Variants in DSCAML1 observed in about 807,000 individuals in gnomAD.
DSCAML1 encodes the protein cell adhesion molecule DSCAML1.
In DSCAML1, 38 loss-of-function variants were observed where a neutral mutation model predicts 200.5. The observed-to-expected ratio is 0.19, with a 90% CI of 0.15 to 0.25. DSCAML1 has a LOEUF of 0.25. Ranked by LOEUF, DSCAML1 falls within the 10% of genes least tolerant of loss-of-function variation. The pLI, the probability that DSCAML1 is intolerant of heterozygous loss-of-function variation, is 1.00. For missense variants in DSCAML1, 2,223 were observed against 2,858.8 expected (o/e 0.78, Z 5.07); for synonymous variants, 1,215 against 1,165.0 (o/e 1.04, Z -0.87).
rs372336434 is a variant in DSCAML1 at position 117,777,808 on chromosome 11, A to G, written c.365-871T>C. Among the ~76,000 whole-genome samples the G allele has an allele frequency of 3.6e-3, 554 of 152,224 alleles. 2 individuals carry two copies. Among genetic ancestry groups the G allele is most frequent in the South Asian group, 0.015 (72 of 4,812 alleles). On this transcript the variant is annotated intron_variant, in intron 2 of 32. Coordinates refer to ENST00000651296, the MANE Select transcript of DSCAML1 (RefSeq NM_020693.4). ...TATGTGTCTGGCCCTACAGGCAGGC[A>G]GACCCAGCCCTAGGAATGGGACCAA...
chr11:117,571,764 G>A (rs780171690), intron 3 of DSCAML1, among the ~76,000 whole-genome samples: 1 of 152,196 alleles, frequency 6.6e-6, no homozygotes, highest in Non-Finnish European at 1.5e-5. Flanking sequence ...TACCTACTGG[G>A]CTGCATTCCC....
intron 11 of DSCAML1, among the ~76,000 whole-genome samples, chr11:117,484,653 A>G (rs2049000593): frequency 6.6e-6 from 1 of 152,250 alleles, no homozygotes; most frequent in Non-Finnish European, 1.5e-5. Context: ...AGATTTGCAT[A>G]ATTCACTCGT....
chr11:117,796,515 G>C (rs371634182), intron 1 of DSCAML1, among the ~76,000 whole-genome samples: 3 of 152,246 alleles, frequency 2.0e-5, no homozygotes, highest in African/African-American at 7.2e-5. Flanking sequence ...GCCAATGCGC[G>C]GATAAGCGCC....
At chr11:117,694,983 A>ACCC in intron 3 of DSCAML1, among the ~76,000 whole-genome samples, 1 of 152,316 alleles carries the variant, frequency 6.6e-6, no homozygotes, top group South Asian at 2.1e-4. Flanking sequence ...CCTTTAGGTG[A>ACCC]CTGGAAGACA....
rs2047930768 is a variant in DSCAML1 at position 117,436,995 on chromosome 11, T to C, written c.4720+127A>G. ...AGCCCCTTCACCTGCAGGCCAGCATTTCCCCCACCTGCATTCCTGCCTGTT... is the reference window on the plus strand; with the variant it reads ...AGCCCCTTCACCTGCAGGCCAGCATCTCCCCCACCTGCATTCCTGCCTGTT... On this transcript the variant is annotated intron_variant, in intron 26 of 32. Transcript: ENST00000651296. 9.8e-6 allele frequency: 13 copies of C among 1,321,250 alleles called. 1 individual carries two copies. The South Asian group carries it at 1.6e-4, about 17-fold the overall frequency. 81.8% of individuals were successfully genotyped at this position (1,321,250 alleles called of 1,614,324 possible). A position where few individuals can be genotyped will look rare whatever the true frequency, so the allele number is the denominator to read the frequency against.
chr11:117,599,704 AG>A (rs1483311081), intron 3 of DSCAML1, among the ~76,000 whole-genome samples: 1 of 152,238 alleles, frequency 6.6e-6, no homozygotes, highest in Non-Finnish European at 1.5e-5. Flanking sequence ...CAACTCAGTA[AG>A]GGCTGCAGGA....
At chr11:117,537,726 C>T (rs2050195210) in intron 3 of DSCAML1, among the ~76,000 whole-genome samples, 1 of 152,134 alleles carries the variant, frequency 6.6e-6, no homozygotes, top group Admixed American at 6.6e-5. Context: ...AGACACGCAC[C>T]CAGGGAAAGT....
intron 21 of DSCAML1, among the ~76,000 whole-genome samples, chr11:117,440,476 G>A (rs1052131294): frequency 4.6e-5 from 7 of 151,754 alleles, no homozygotes; most frequent in African/African-American, 1.5e-4. Context: ...TGAAGCTCAC[G>A]GCAGCTGTGA....
chr11:117,523,166 G>A (rs1202417035), intron 5 of DSCAML1, among the ~76,000 whole-genome samples: 1 of 152,126 alleles, frequency 6.6e-6, no homozygotes. Flanking sequence ...GTGTGTCTCC[G>A]CTTGCCTGCA....
At chr11:117,460,247 G>T (rs1430211465) in intron 18 of DSCAML1, among the ~76,000 whole-genome samples, 3 of 152,238 alleles carry the variant, frequency 2.0e-5, no homozygotes, top group Non-Finnish European at 4.4e-5. Flanking sequence ...CACAGCAAAA[G>T]AACTGGGGAG....
intron 3 of DSCAML1, among the ~76,000 whole-genome samples, chr11:117,749,092 T>A (rs2054561157): frequency 6.6e-6 from 1 of 152,164 alleles, no homozygotes; most frequent in Admixed American, 6.5e-5. Context: ...GTAGAACATC[T>A]TCATTCCCAG....
intron 3 of DSCAML1, among the ~76,000 whole-genome samples, chr11:117,715,007 C>A (rs1322208842): frequency 6.6e-6 from 1 of 151,720 alleles, no homozygotes; most frequent in African/African-American, 2.4e-5. Flanking sequence ...ACCAACCATG[C>A]CAGGAGGAAG....
intron 3 of DSCAML1, among the ~76,000 whole-genome samples, chr11:117,718,161 C>T (rs1189421138): frequency 6.6e-6 from 1 of 152,226 alleles, no homozygotes; most frequent in Non-Finnish European, 1.5e-5. Context: ...TGCCTGTATG[C>T]GAGGTCAGTG....
At position 117,430,814 on chromosome 11, in the gene DSCAML1, C is replaced by T. The variant is rs1592559403; in HGVS notation, c.5594G>A (p.Gly1865Asp). The T allele has an allele frequency of 1.2e-6, 2 of 1,614,102 alleles. No individual in the cohort carries two copies. Among genetic ancestry groups the T allele is most frequent in the South Asian group, 1.1e-5 (1 of 91,082 alleles). ...MTSMSTPSEP[G>D]ICRFTASPPK... ...TGGTGAGGCGGTAAAGCGGCAGATGCCAGGCTCTGAGGGTGTGCTCATGGA... is the reference window on the plus strand; with the variant it reads ...TGGTGAGGCGGTAAAGCGGCAGATGTCAGGCTCTGAGGGTGTGCTCATGGA... Residue 1865 changes from glycine (G) to aspartate (D), a missense_variant, in exon 32 of 33, where the codon GGC (glycine) becomes GAC (aspartate). Physicochemically the swap from Gly to Asp is moderately conservative, Grantham distance 94. Transcript: ENST00000651296.
chr11:117,561,480 A>G (rs894497746), intron 3 of DSCAML1, among the ~76,000 whole-genome samples: 1 of 152,152 alleles, frequency 6.6e-6, no homozygotes, highest in African/African-American at 2.4e-5. Context: ...CACATGCTAC[A>G]GTTCTGTGGG....
At chr11:117,522,718 C>T (rs1003576039) in intron 5 of DSCAML1, among the ~76,000 whole-genome samples, 1 of 152,228 alleles carries the variant, frequency 6.6e-6, no homozygotes, top group African/African-American at 2.4e-5. Context: ...CCAGCCGGAG[C>T]TCCCAGTGCT....
chr11:117,809,173 T>C (rs1297731168), intron 1 of DSCAML1, among the ~76,000 whole-genome samples: 1 of 152,272 alleles, frequency 6.6e-6, no homozygotes, highest in Non-Finnish European at 1.5e-5. Flanking sequence ...CTCAGGAGTT[T>C]GCCCTGAGAC....
In DSCAML1 at chr11:117,480,916, C is replaced by A. The variant is rs1475878865; in HGVS notation, c.2656+258G>T. 2.0e-5 allele frequency among the ~76,000 whole-genome samples: 3 copies of A among 152,326 alleles called. No individual in the cohort carries two copies. The highest frequency in any genetic ancestry group is 1.9e-4 in the East Asian group (1 of 5,176). ...CCTGGACCCAGGAACCTGACTCCCC[C>A]ACCCCTCCCCAGAAGGGTCAGTGGA... is the stretch of plus-strand genomic sequence containing the variant. On this transcript the variant is annotated intron_variant, in intron 13 of 32. Coordinates refer to ENST00000651296, the MANE Select transcript of DSCAML1 (RefSeq NM_020693.4). The surrounding 1 kb of genome is among the most constrained non-coding windows in gnomAD (Gnocchi z 4.1).
intron 1 of DSCAML1, among the ~76,000 whole-genome samples, chr11:117,808,669 T>G (rs547428815): frequency 7.9e-5 from 12 of 152,314 alleles, no homozygotes; most frequent in Non-Finnish European, 1.3e-4. Context: ...TTCTGTAGTT[T>G]CATAAACACT....
Sources: gnomAD v4.1 joint callset for allele counts (sites outside exome capture counted in the v4.1 genomes callset) on GRCh38, gnomAD v4.1.1 for gene constraint, Gnocchi (gnomAD v3.1) non-coding constraint, MANE v1.5 for transcripts, NCBI Gene and HGNC (gene_info 2026-07-23, HGNC 2026-07-21) for gene names.